Variants in GREM2 observed in about 807,000 individuals in gnomAD.
GREM2 encodes gremlin-2.
Under a neutral mutation model 14.2 loss-of-function variants are expected in GREM2, and 11 were observed. That is an observed-to-expected ratio of 0.78 (90% CI 0.49 to 1.28). GREM2 has a LOEUF of 1.28. Among genes scored for constraint, GREM2 ranks in the 50% most tolerant of loss-of-function variants. The pLI is 0.00. For missense variants in GREM2, 210 were observed against 218.5 expected, an observed-to-expected ratio of 0.96 and a Z score of 0.24; for synonymous variants, 98 against 97.6, an observed-to-expected ratio of 1.00 and a Z score of -0.02.
chr1:240,569,345 G>C (rs1395880649), intron 1 of GREM2, among the ~76,000 whole-genome samples: 1 of 152,112 alleles, frequency 6.6e-6, no homozygotes, highest in East Asian at 1.9e-4. Flanking sequence ...ATATTTACAA[G>C]ATGATTCTAA....
intron 1 of GREM2, among the ~76,000 whole-genome samples, chr1:240,515,245 T>C (rs1677928427): frequency 6.6e-6 from 1 of 152,200 alleles, no homozygotes; most frequent in Non-Finnish European, 1.5e-5. Flanking sequence ...CTACAAATGA[T>C]TCCAACAAAT....
rs538950244 is a variant in GREM2, at chr1:240,510,260, G to C, written c.-1-16784C>G. ...TGGCGGGCGCCTGTAGTCCCAGCTA[G>C]TCGGGAGGCTGAGGCAGGAGAATGG... is the stretch of plus-strand genomic sequence containing the variant. On this transcript the variant is annotated intron_variant, in intron 1 of 1. Coordinates refer to ENST00000318160, the MANE Select transcript of GREM2 (RefSeq NM_022469.4). Among the ~76,000 whole-genome samples, 279 of 150,112 alleles carry C rather than the reference G, an allele frequency of 1.9e-3. 1 individual carries two copies. The highest frequency in any genetic ancestry group is 3.2e-3 in the Admixed American group (48 of 14,988).
chr1:240,562,777 ATGAGTGTGTATGTGTGTATG>A (rs1679072708), intron 1 of GREM2, among the ~76,000 whole-genome samples: 1 of 149,584 alleles, frequency 6.7e-6, no homozygotes, highest in African/African-American at 2.5e-5. Context: ...ATGTGTGTGT[ATGAGTGTGTATGTGTGTATG>A]TGAGTGTGTA....
intron 1 of GREM2, among the ~76,000 whole-genome samples, chr1:240,585,179 T>C (rs1010362536): frequency 6.6e-6 from 1 of 152,046 alleles, no homozygotes; most frequent in African/African-American, 2.4e-5. Flanking sequence ...TAAAAGTGCT[T>C]TGTGAGCATA....
chr1:240,498,164 G>A (rs1677475092), intron 1 of GREM2, among the ~76,000 whole-genome samples: 1 of 152,210 alleles, frequency 6.6e-6, no homozygotes, highest in East Asian at 1.9e-4. Context: ...AGTATTAGAT[G>A]TGGTGCTGGG....
chr1:240,572,032 C>G (rs533708203), intron 1 of GREM2, among the ~76,000 whole-genome samples: 1 of 152,264 alleles, frequency 6.6e-6, no homozygotes, highest in South Asian at 2.1e-4. Context: ...CCCACAGGGC[C>G]TCATGAGGAT....
chr1:240,563,101 G>GTGTGTATGCGTGTATA (rs1679100237), intron 1 of GREM2, among the ~76,000 whole-genome samples: 1 of 149,744 alleles, frequency 6.7e-6, no homozygotes, highest in African/African-American at 2.5e-5. Context: ...ATGCGTGTAT[G>GTGTGTATGCGTGTATA]TGTGTATGTG....
chr1:240,506,754 A>T (rs540566544), intron 1 of GREM2, among the ~76,000 whole-genome samples: 9 of 152,344 alleles, frequency 5.9e-5, no homozygotes, highest in African/African-American at 2.2e-4. Flanking sequence ...TTGAGATACA[A>T]AGAAGAATAA....
intron 1 of GREM2, among the ~76,000 whole-genome samples, chr1:240,586,945 C>T (rs572757390): frequency 2.6e-5 from 4 of 152,206 alleles, no homozygotes; most frequent in South Asian, 2.1e-4. Context: ...ACTTAATATA[C>T]GTGTCACCAA....
chr1:240,580,973 G>A (rs370073562), intron 1 of GREM2, among the ~76,000 whole-genome samples: 32 of 152,244 alleles, frequency 2.1e-4, no homozygotes, highest in African/African-American at 5.3e-4. Context: ...AAACTCAGCC[G>A]CGCCAGTGGC....
intron 1 of GREM2, among the ~76,000 whole-genome samples, chr1:240,589,692 T>C (rs1422005164): frequency 6.6e-6 from 1 of 152,062 alleles, no homozygotes. Context: ...AACTGATCAT[T>C]GCCACCTAGC....
At chr1:240,567,087 T>G (rs1247879808) in intron 1 of GREM2, among the ~76,000 whole-genome samples, 1 of 152,088 alleles carries the variant, frequency 6.6e-6, no homozygotes, top group Non-Finnish European at 1.5e-5. Flanking sequence ...ATTAATAAAA[T>G]TATGTATTGC....
intron 1 of GREM2, among the ~76,000 whole-genome samples, chr1:240,560,482 T>C (rs1679018311): frequency 6.6e-6 from 1 of 152,166 alleles, no homozygotes; most frequent in African/African-American, 2.4e-5. Flanking sequence ...GGACTGTGTT[T>C]AGCACATCAT....
Position 240,500,765 on chromosome 1 carries a change from T to G in GREM2, c.-1-7289A>C, listed in dbSNP as rs111921982. ...ATTCATTCAGCTTATGGAGGAACAG[T>G]TTTTTTGCTTCCAGTTTTTCACTAT... On this transcript the variant is annotated intron_variant, in intron 1 of 1. Transcript: ENST00000318160. Among the ~76,000 whole-genome samples the G allele has an allele frequency of 3.8e-3, 585 of 152,260 alleles. 3 individuals are homozygous for G. The highest frequency in any genetic ancestry group is 0.014 in the African/African-American group (561 of 41,542).
chr1:240,509,614 C>A (rs563327907), intron 1 of GREM2, among the ~76,000 whole-genome samples: 1 of 151,962 alleles, frequency 6.6e-6, no homozygotes. Flanking sequence ...GTGATCCGCC[C>A]GCCTCAGCCT....
chr1:240,511,610 G>A (rs564563163), intron 1 of GREM2, among the ~76,000 whole-genome samples: 8 of 152,258 alleles, frequency 5.3e-5, no homozygotes, highest in Admixed American at 2.6e-4. Context: ...GAAATTAGCC[G>A]GGTGTGGTGG....
At chr1:240,539,125 C>G (rs916236555) in intron 1 of GREM2, among the ~76,000 whole-genome samples, 16 of 152,150 alleles carry the variant, frequency 1.1e-4, no homozygotes, top group African/African-American at 3.6e-4. Flanking sequence ...TAAAGCCAAG[C>G]CTTGTGCACT....
chr1:240,513,318 T>G (rs1259574325), intron 1 of GREM2, among the ~76,000 whole-genome samples: 1 of 152,162 alleles, frequency 6.6e-6, no homozygotes, highest in Non-Finnish European at 1.5e-5. Flanking sequence ...GGCTCACGCC[T>G]GTAATCCCAG....
rs1177987925 is a variant in GREM2, at chr1:240,542,428, A to G, written c.-1-48952T>C. 2.0e-5 allele frequency among the ~76,000 whole-genome samples: 3 copies of G among 147,824 alleles called. No homozygotes were observed. Among genetic ancestry groups the G allele is most frequent in the Non-Finnish European group, 3.0e-5 (2 of 67,426 alleles). ...GAGACCAGCCTGGCCAACATGGCGA[A>G]ACCCCCATCTCTACTAAAAAAAAAA... On this transcript the variant is annotated intron_variant, in intron 1 of 1. Coordinates refer to ENST00000318160, the MANE Select transcript of GREM2 (RefSeq NM_022469.4). This position sits in a 1 kb window ranked among gnomAD's most constrained non-coding sequence, Gnocchi z 4.1.
Sources: allele counts gnomAD v4.1 joint callset (sites outside exome capture counted in the v4.1 genomes callset), GRCh38; gene constraint gnomAD v4.1.1; non-coding constraint Gnocchi (gnomAD v3.1); transcripts MANE v1.5; gene names NCBI Gene and HGNC (gene_info 2026-07-23, HGNC 2026-07-21).